Variants in FBXO25 observed in about 807,000 individuals in gnomAD.
FBXO25 encodes F-box protein 25.
A neutral mutation model predicts 51.9 loss-of-function variants in FBXO25; 45 were observed. The observed-to-expected ratio is 0.87, with a 90% CI of 0.68 to 1.11. The LOEUF (loss-of-function observed/expected upper bound fraction) is 1.11, where lower values mean the gene tolerates loss of function less well. FBXO25 is among the 50% of genes most tolerant of loss of function. The pLI is 0.00. For synonymous variants in FBXO25, 199 were observed against 151.0 expected, an observed-to-expected ratio of 1.32 and a Z score of -2.33; for missense variants, 507 against 428.5, an observed-to-expected ratio of 1.18 and a Z score of -1.62.
At chr8:438,541 G>A (rs1563079080) in intron 5 of FBXO25, among the ~76,000 whole-genome samples, 1 of 152,132 alleles carries the variant, frequency 6.6e-6, no homozygotes, top group African/African-American at 2.4e-5. Context: ...TGGAAGTTTC[G>A]TTTTTACTCT....
At chr8:451,588 G>A (rs1333475079) in intron 7 of FBXO25, 135 bp downstream of exon 7, 1 of 897,712 alleles carries the variant, frequency 1.1e-6, no homozygotes, top group Non-Finnish European at 1.6e-6. Flanking sequence ...TCATTAAATT[G>A]TTTTAAAATA....
intron 8 of FBXO25, among the ~76,000 whole-genome samples, chr8:461,435 G>C (rs991176643): frequency 6.6e-6 from 1 of 152,224 alleles, no homozygotes; most frequent in Non-Finnish European, 1.5e-5. Context: ...GCAGGCAAGA[G>C]AGCATGTGCA....
chr8:461,769 T>C (rs972837984), intron 8 of FBXO25, among the ~76,000 whole-genome samples: 2 of 152,228 alleles, frequency 1.3e-5, no homozygotes, highest in African/African-American at 4.8e-5. Context: ...ATTTCTCATC[T>C]TGTGACTGGC....
intron 7 of FBXO25, 106 bp from the exon 8 acceptor site, chr8:458,263 T>A: frequency 7.7e-7 from 1 of 1,293,046 alleles, no homozygotes; most frequent in Non-Finnish European, 1.1e-6. Flanking sequence ...GAGCTCTTTT[T>A]GTGTTACCAT....
chr8:439,622 G>C (rs1798305001), intron 5 of FBXO25, among the ~76,000 whole-genome samples: 1 of 152,174 alleles, frequency 6.6e-6, no homozygotes, highest in Non-Finnish European at 1.5e-5. Context: ...TGTAGGCGAA[G>C]AGTCGGTCTC....
Position 428,933 on chromosome 8 carries a change from A to G in FBXO25, c.135-2408A>G, listed in dbSNP as rs7010178. Reference sequence around the variant, plus strand: ...AGTGTACACCACATTTTGCTTATCTATTCATCCACTGATGGACATGTGGGT... The same window carrying G: ...AGTGTACACCACATTTTGCTTATCTGTTCATCCACTGATGGACATGTGGGT... On this transcript the variant is annotated intron_variant, in intron 2 of 9. Transcript: ENST00000350302. Among the ~76,000 whole-genome samples the G allele has an allele frequency of 9.9e-4, 151 of 152,276 alleles. 1 individual carries two copies. Among genetic ancestry groups the G allele is most frequent in the African/African-American group, 3.3e-3 (139 of 41,550 alleles).
Position 452,680 on chromosome 8 carries a change from A to T in FBXO25, c.660+1227A>T, listed in dbSNP as rs141621784. On this transcript the variant is annotated intron_variant, in intron 7 of 9. Coordinates refer to ENST00000350302, the MANE Select transcript of FBXO25 (RefSeq NM_183420.2). ...GGAAAGGCCAAACACCAGACCAGGA[A>T]GCAGCCTTTCTTGTCTGGCTGGGAA... Among the ~76,000 whole-genome samples, 3 of 152,346 alleles carry T rather than the reference A, an allele frequency of 2.0e-5. No individual in the cohort carries two copies. The East Asian group carries it at 5.8e-4, about 29-fold the overall frequency.
At chr8:409,668 G>T (rs1441693722) in intron 1 of FBXO25, among the ~76,000 whole-genome samples, 2 of 152,100 alleles carry the variant, frequency 1.3e-5, no homozygotes, top group African/African-American at 4.8e-5. Flanking sequence ...TATTTTTTCA[G>T]CTGAGGATAC....
At chr8:440,581 C>CT (rs938515194) in intron 5 of FBXO25, among the ~76,000 whole-genome samples, 2,766 of 149,632 alleles carry the variant, frequency 0.018, no homozygotes, top group African/African-American at 0.052. Flanking sequence ...CGTCATATGA[C>CT]TTTTTTTTAA....
intron 7 of FBXO25, among the ~76,000 whole-genome samples, chr8:453,219 A>T (rs1302152379): frequency 6.6e-6 from 1 of 152,228 alleles, no homozygotes; most frequent in African/African-American, 2.4e-5. Flanking sequence ...TGATGATAAC[A>T]CAAAGGTGCC....
rs1362394169 is a variant in FBXO25 at position 469,460 on chromosome 8, G to C, written c.*656G>C. The stretch of plus-strand genomic sequence containing the variant: ...CAGGGCACCCCTGCTGGGGTTGGGG[G>C]CTGGTCTGTGCATAATCCTGGACTG... On this transcript the variant is annotated 3_prime_UTR_variant, in exon 10 of 10. Transcript: ENST00000350302. 1 of 152,438 alleles carries C rather than the reference G, an allele frequency of 6.6e-6. No homozygotes were observed. The highest frequency in any genetic ancestry group is 6.5e-5 in the Admixed American group (1 of 15,304). The allele number at this position is 152,438 out of a possible 1,614,324, so 9.4% of individuals were successfully genotyped here.
chr8:460,084 A>T (rs1174752435), intron 8 of FBXO25, among the ~76,000 whole-genome samples: 1 of 152,112 alleles, frequency 6.6e-6, no homozygotes, highest in Non-Finnish European at 1.5e-5. Flanking sequence ...CTAGGAAAAG[A>T]GGTAAATGAA....
chr8:445,062 GTTTC>G (rs1798653115), intron 5 of FBXO25, among the ~76,000 whole-genome samples: 3 of 152,174 alleles, frequency 2.0e-5, no homozygotes, highest in Admixed American at 2.0e-4. Flanking sequence ...AATGATTACA[GTTTC>G]TTTGTTAATT....
At chr8:420,602 T>A (rs888883066) in intron 2 of FBXO25, among the ~76,000 whole-genome samples, 2 of 152,134 alleles carry the variant, frequency 1.3e-5, no homozygotes, top group African/African-American at 4.8e-5. Flanking sequence ...CACTCAAAAG[T>A]CAAAAGGAAC....
intron 9 of FBXO25, among the ~76,000 whole-genome samples, chr8:465,357 T>G (rs1353949083): frequency 6.6e-6 from 1 of 152,252 alleles, no homozygotes; most frequent in African/African-American, 2.4e-5. Context: ...TTGTCTTTTT[T>G]TCTCCTGAGC....
In FBXO25 at chr8:463,295, G is replaced by T. The variant is rs115515020; in HGVS notation, c.987+145G>T. The T allele has an allele frequency of 2.0e-3, 1,797 of 918,170 alleles. 18 individuals are homozygous for T. In the African/African-American group the frequency reaches 0.027, roughly 14 times the overall value. 56.9% of individuals were successfully genotyped at this position (918,170 alleles called of 1,614,324 possible). On this transcript the variant is annotated intron_variant, in intron 9 of 9. Transcript: ENST00000350302. ...AGGAGATATATTTTACCAAATATTG[G>T]GGTAGGGGAACAGATGTTCATTCAA...
chr8:451,070 T>TTTA (rs1799053685), intron 6 of FBXO25, 199 bp from the exon 7 acceptor site: 8 of 478,620 alleles, frequency 1.7e-5, no homozygotes, highest in Non-Finnish European at 2.5e-5. Context: ...CTTTGCATAA[T>TTTA]GTCTTCAGGG....
chr8:460,684 C>T (rs1799751661), intron 8 of FBXO25, among the ~76,000 whole-genome samples: 1 of 152,212 alleles, frequency 6.6e-6, no homozygotes, highest in Non-Finnish European at 1.5e-5. Flanking sequence ...CTCCCGTGAA[C>T]ACTGGTGTCA....
Position 476,660 on chromosome 8 carries a change from T to TA in FBXO25, c.*7858dup, listed in dbSNP as rs1800652241. On this transcript the variant is annotated 3_prime_UTR_variant, in exon 10 of 10. Transcript: ENST00000350302. The stretch of plus-strand genomic sequence containing the variant: ...GATATGTAATTGCTCATAGTACTCT[T>TA]AATCCTTTTTATTTCTGTAAAATCA... 6.6e-6 allele frequency: 1 copy of TA among 152,208 alleles called. No homozygotes were observed. The highest frequency in any genetic ancestry group is 2.4e-5 in the African/African-American group (1 of 41,458). 9.4% of individuals were successfully genotyped at this position (152,208 alleles called of 1,614,324 possible). A position where few individuals can be genotyped will look rare whatever the true frequency, so the allele number is the denominator to read the frequency against.
Sources: gnomAD v4.1 joint callset for allele counts (sites outside exome capture counted in the v4.1 genomes callset) on GRCh38, gnomAD v4.1.1 for gene constraint, MANE v1.5 for transcripts, NCBI Gene and HGNC (gene_info 2026-07-23, HGNC 2026-07-21) for gene names.